ADGRD1: variants seen among roughly 807,000 people sequenced by gnomAD.
ADGRD1 encodes adhesion G protein-coupled receptor D1.
In ADGRD1, 77 loss-of-function variants were observed where a neutral mutation model predicts 113.4. The observed-to-expected ratio is 0.68, with a 90% CI of 0.57 to 0.82. ADGRD1 has a LOEUF of 0.82. Ranked by LOEUF, ADGRD1 falls within the 40% of genes least tolerant of loss-of-function variation. ADGRD1 has a pLI of 0.00. For missense variants in ADGRD1, 1,036 were observed against 1,139.1 expected, an observed-to-expected ratio of 0.91 and a Z score of 1.30; for synonymous variants, 474 against 475.0, an observed-to-expected ratio of 1.00 and a Z score of 0.03.
At chr12:130,969,093 G>A (rs769473521) in intron 3 of ADGRD1, 104 of 1,327,448 alleles carry the variant, frequency 7.8e-5, no homozygotes, top group Non-Finnish European at 8.0e-5. Context: ...ATGTACTTTT[G>A]TTCTTCGTTC....
intron 4 of ADGRD1, among the ~76,000 whole-genome samples, chr12:130,976,465 G>A (rs1026733663): frequency 2.6e-5 from 4 of 152,184 alleles, no homozygotes; most frequent in African/African-American, 9.7e-5. Context: ...TGCTGATTCT[G>A]AGTCTCAGTG....
chr12:130,964,214 T>A (rs1335701056), intron 2 of ADGRD1, among the ~76,000 whole-genome samples: 2 of 151,942 alleles, frequency 1.3e-5, no homozygotes, highest in Admixed American at 6.6e-5. Flanking sequence ...ACATATTATA[T>A]AATATGCACA....
At position 130,984,384 on chromosome 12, in the gene ADGRD1, C is replaced by T. The variant is rs576398317; in HGVS notation, c.490+2321C>T. Among the ~76,000 whole-genome samples the T allele has an allele frequency of 3.1e-4, 47 of 152,300 alleles. No homozygotes were observed. Among genetic ancestry groups the T allele is most frequent in the Admixed American group, 2.3e-3 (35 of 15,290 alleles). ...AGAAGCCACGTCCTCAGGGAAAGCT[C>T]GTTACTGTGCTTACCCGCTCCCTGG... On this transcript the variant is annotated intron_variant, in intron 5 of 24. Transcript: ENST00000261654. This position sits in a 1 kb window ranked among gnomAD's most constrained non-coding sequence, Gnocchi z 4.1.
chr12:131,080,697 T>A (rs1284701395), intron 14 of ADGRD1, among the ~76,000 whole-genome samples: 1 of 152,214 alleles, frequency 6.6e-6, no homozygotes, highest in East Asian at 1.9e-4. Flanking sequence ...CTCGGCTCAC[T>A]GCAAGCTCCG....
chr12:131,090,993 GCTGAGTGCAGTTCAAGCAGGGGAACGAAC>G (rs955324584), intron 15 of ADGRD1, among the ~76,000 whole-genome samples: 11 of 152,246 alleles, frequency 7.2e-5, no homozygotes, highest in Admixed American at 7.2e-4. Context: ...AACTTCTCCT[GCTGAGTGCAGTTCAAGCAGGGGAACGAAC>G]CCCTGGGCTG....
chr12:131,138,964 G>A (rs568664644), intron 24 of ADGRD1, among the ~76,000 whole-genome samples: 47 of 152,308 alleles, frequency 3.1e-4, no homozygotes, highest in African/African-American at 1.1e-3. Context: ...GGGAGTCAGC[G>A]TGGAGAACCG....
At chr12:131,046,562 T>C (rs1593115032) in intron 13 of ADGRD1, among the ~76,000 whole-genome samples, 2 of 103,100 alleles carry the variant, frequency 1.9e-5, no homozygotes, top group Non-Finnish European at 3.7e-5. Context: ...CTGGCCAGTG[T>C]CCTCCCTGGT....
At chr12:130,986,448 CTTG>C (rs1873693961) in intron 5 of ADGRD1, among the ~76,000 whole-genome samples, 2 of 152,124 alleles carry the variant, frequency 1.3e-5, no homozygotes, top group South Asian at 4.1e-4. Flanking sequence ...GTAAATTCTA[CTTG>C]TTCGTTGCTG....
chr12:130,993,565 C>G (rs1203133200), intron 8 of ADGRD1, among the ~76,000 whole-genome samples: 2 of 151,904 alleles, frequency 1.3e-5, no homozygotes, highest in Admixed American at 1.3e-4. Context: ...GTCCTGGAGT[C>G]ACAGAGACCT....
intron 15 of ADGRD1, among the ~76,000 whole-genome samples, chr12:131,091,467 GT>G (rs1171177133): frequency 1.3e-5 from 2 of 152,222 alleles, no homozygotes; most frequent in Admixed American, 6.5e-5. Flanking sequence ...CGGTGTAACT[GT>G]GAAAGAATGG....
At chr12:131,065,732 G>A (rs556062375) in intron 13 of ADGRD1, among the ~76,000 whole-genome samples, 22 of 152,276 alleles carry the variant, frequency 1.4e-4, no homozygotes, top group African/African-American at 5.3e-4. Context: ...TGTTAGTTGT[G>A]CGCATGAAGG....
Position 131,096,742 on chromosome 12 carries a change from G to C in ADGRD1, c.1672-8089G>C, listed in dbSNP as rs1329474895. Among the ~76,000 whole-genome samples, 4 of 152,204 alleles carry C rather than the reference G, an allele frequency of 2.6e-5. No homozygotes were observed. Among genetic ancestry groups the C allele is most frequent in the Non-Finnish European group, 5.9e-5 (4 of 68,038 alleles). On this transcript the variant is annotated intron_variant, in intron 15 of 24. Transcript: ENST00000261654. The surrounding 1 kb of genome is among the most constrained non-coding windows in gnomAD (Gnocchi z 5.2). ...GTTCCCGTGGGGCACTGCCAGTCCA[G>C]GTTTACATCGCCACAACTGTTTAAA...
intron 13 of ADGRD1, among the ~76,000 whole-genome samples, chr12:131,033,429 TC>T (rs1329630875): frequency 2.6e-5 from 4 of 152,220 alleles, no homozygotes; most frequent in African/African-American, 9.6e-5. Flanking sequence ...AGGACAGGCG[TC>T]CACATGCGGC....
At chr12:131,010,074 C>G (rs776394234) in intron 12 of ADGRD1, among the ~76,000 whole-genome samples, 2 of 152,212 alleles carry the variant, frequency 1.3e-5, no homozygotes, top group African/African-American at 2.4e-5. Context: ...AGCATCGGTG[C>G]TGAGGAAGTC....
chr12:131,123,744 C>T (rs1161869717), intron 20 of ADGRD1, among the ~76,000 whole-genome samples: 1 of 151,860 alleles, frequency 6.6e-6, no homozygotes, highest in Admixed American at 6.6e-5. Flanking sequence ...ATGGCGTGAA[C>T]CCGGGAGGCG....
intron 18 of ADGRD1, among the ~76,000 whole-genome samples, chr12:131,111,158 T>G (rs1159276698): frequency 6.6e-6 from 1 of 152,144 alleles, no homozygotes; most frequent in Non-Finnish European, 1.5e-5. Context: ...AGTGGCACCA[T>G]CTCGGCTCAC....
At chr12:130,967,295 A>G (rs185303227) in intron 3 of ADGRD1, 1 of 208,140 alleles carries the variant, frequency 4.8e-6, no homozygotes, top group East Asian at 9.4e-5. Context: ...GTGAGGCCCA[A>G]TTCCAAATAG....
chr12:130,997,413 G>A (rs1226289355), intron 8 of ADGRD1, among the ~76,000 whole-genome samples: 4 of 147,102 alleles, frequency 2.7e-5, no homozygotes, highest in East Asian at 2.1e-4. Context: ...CAGACGGGGC[G>A]GCTGCCGGGC....
chr12:131,030,120 C>CCTCG (rs1880508350), intron 13 of ADGRD1, among the ~76,000 whole-genome samples: 1 of 150,536 alleles, frequency 6.6e-6, no homozygotes, highest in African/African-American at 2.5e-5. Flanking sequence ...GTTGTGGACC[C>CCTCG]TTCATACGGT....
Sources: gnomAD v4.1 joint callset for allele counts (sites outside exome capture counted in the v4.1 genomes callset) on GRCh38, gnomAD v4.1.1 for gene constraint, Gnocchi (gnomAD v3.1) non-coding constraint, MANE v1.5 for transcripts, NCBI Gene and HGNC (gene_info 2026-07-23, HGNC 2026-07-21) for gene names.